The following NAALADL2 variants were observed in gnomAD, a reference collection of about 807,000 sequenced individuals.
NAALADL2 encodes inactive N-acetylated-alpha-linked acidic dipeptidase-like protein 2.
In NAALADL2, 76 loss-of-function variants were observed where a neutral mutation model predicts 87.2. The observed-to-expected ratio is 0.87, with a 90% confidence interval of 0.72 to 1.05. The LOEUF (loss-of-function observed/expected upper bound fraction) is 1.05. Among genes scored for constraint, NAALADL2 ranks in the 50% least tolerant of loss-of-function variants. The probability of loss-of-function intolerance (pLI) is 0.00; values close to 1 mark genes in which losing one functional copy is unlikely to be tolerated. For missense variants in NAALADL2, 1,089 were observed against 945.8 expected (o/e 1.15, Z -1.99); for synonymous variants, 354 against 331.0 (o/e 1.07, Z -0.75).
intron 2 of NAALADL2, among the ~76,000 whole-genome samples, chr3:175,117,709 A>G (rs1194019391): frequency 2.6e-5 from 4 of 151,896 alleles, no homozygotes; most frequent in Non-Finnish European, 4.4e-5. Context: ...ACAGTGCGGC[A>G]ATTCCTCAAG....
rs532930937 is a variant in NAALADL2 at position 175,596,067 on chromosome 3, A to T, written c.1800+19880A>T. On this transcript the variant is annotated intron_variant, in intron 10 of 13. Coordinates refer to ENST00000454872, the MANE Select transcript of NAALADL2 (RefSeq NM_207015.3). Reference sequence around the variant, plus strand: ...TATAGATTCAGAATACTTGATATTAAATTTTAATTCTGTTTTTTAAAAAAT... The same window carrying T: ...TATAGATTCAGAATACTTGATATTATATTTTAATTCTGTTTTTTAAAAAAT... Among the ~76,000 whole-genome samples, 3 of 152,012 alleles carry T rather than the reference A, an allele frequency of 2.0e-5. No homozygotes were observed. In the South Asian group the frequency reaches 6.2e-4, roughly 31 times the overall value.
chr3:175,038,005 A>T (rs944600579), intron 1 of NAALADL2, among the ~76,000 whole-genome samples: 2 of 152,176 alleles, frequency 1.3e-5, no homozygotes, highest in African/African-American at 4.8e-5. Context: ...ATTGTTACCT[A>T]GTGATTATCA....
chr3:175,244,552 A>T (rs1454327844), intron 3 of NAALADL2, among the ~76,000 whole-genome samples: 1 of 152,132 alleles, frequency 6.6e-6, no homozygotes, highest in Non-Finnish European at 1.5e-5. Flanking sequence ...TTTCTTTGAT[A>T]GATTTTCTGA....
At chr3:174,521,041 G>A (rs1011129455) in intron 1 of NAALADL2, among the ~76,000 whole-genome samples, 6 of 152,224 alleles carry the variant, frequency 3.9e-5, no homozygotes, top group African/African-American at 1.2e-4. Flanking sequence ...CAGAGAAAAG[G>A]GAACACAAAC....
intron 3 of NAALADL2, among the ~76,000 whole-genome samples, chr3:174,763,985 T>C (rs929627739): frequency 5.9e-5 from 9 of 152,126 alleles, no homozygotes; most frequent in Non-Finnish European, 1.0e-4. Context: ...AATGAGGAAA[T>C]AAATCATAGA....
In NAALADL2 at chr3:174,824,408, G is replaced by C. The variant is rs190307086; in HGVS notation, c.-9+86662G>C. ...TCTGATGAATATTCTGATTTCGATT[G>C]TGAATTTAAGCACTACTTTGGCATA... On this transcript the variant is annotated intron_variant, in intron 3 of 3. Coordinates refer to the NAALADL2 transcript ENST00000434257. 2.0e-5 allele frequency among the ~76,000 whole-genome samples: 3 copies of C among 152,224 alleles called. No individual in the cohort carries two copies. The East Asian group carries it at 5.8e-4, about 29-fold the overall frequency.
At position 174,539,073 on chromosome 3, in the gene NAALADL2, A is replaced by G. The variant is rs1013670467; in HGVS notation, c.-183-11496A>G. Among the ~76,000 whole-genome samples the G allele has an allele frequency of 1.6e-4, 24 of 152,332 alleles. No individual in the cohort carries two copies. The South Asian group carries it at 5.0e-3, about 32-fold the overall frequency. The stretch of plus-strand genomic sequence containing the variant: ...GCAGTCTTCATCAAAGAAAATCAAC[A>G]TAAAATGCAATTTTTCAAATAAACA... On this transcript the variant is annotated intron_variant, in intron 1 of 3. Transcript: ENST00000434257.
intron 1 of NAALADL2, among the ~76,000 whole-genome samples, chr3:174,546,368 G>A (rs566319835): frequency 6.6e-6 from 1 of 152,252 alleles, no homozygotes; most frequent in South Asian, 2.1e-4. Context: ...TCTTTTGTTT[G>A]GAGGAGGTGA....
chr3:174,809,734 C>A (rs565723773), intron 3 of NAALADL2, among the ~76,000 whole-genome samples: 2 of 152,010 alleles, frequency 1.3e-5, no homozygotes, highest in Admixed American at 1.3e-4. Flanking sequence ...TCTTGAATTT[C>A]TCTACTAACT....
chr3:174,816,404 A>G (rs2861850), intron 3 of NAALADL2, among the ~76,000 whole-genome samples: 77 of 90,732 alleles, frequency 8.5e-4, no homozygotes, highest in Admixed American at 1.1e-3. Flanking sequence ...GTGTGTGTGT[A>G]TGTGTGTGCG....
At chr3:175,283,900 A>G (rs1754643734) in intron 4 of NAALADL2, among the ~76,000 whole-genome samples, 1 of 152,128 alleles carries the variant, frequency 6.6e-6, no homozygotes, top group African/African-American at 2.4e-5. Flanking sequence ...AAGGCCTCAG[A>G]TTCACTATGT....
At chr3:174,539,449 G>T (rs879344448) in intron 1 of NAALADL2, among the ~76,000 whole-genome samples, 7 of 152,110 alleles carry the variant, frequency 4.6e-5, no homozygotes, top group Admixed American at 3.9e-4. Context: ...ATTTTATAGT[G>T]TGGACACTTT....
At chr3:175,206,311 TAC>T (rs1336603398) in intron 2 of NAALADL2, among the ~76,000 whole-genome samples, 8,386 of 118,312 alleles carry the variant, frequency 0.071, 1,212 homozygotes, top group African/African-American at 0.2. Flanking sequence ...TATATATATA[TAC>T]ACATACATAC....
intron 2 of NAALADL2, among the ~76,000 whole-genome samples, chr3:174,705,150 A>G (rs551356589): frequency 1.3e-5 from 2 of 152,284 alleles, no homozygotes; most frequent in East Asian, 1.9e-4. Flanking sequence ...GTCACAGGGC[A>G]CACTCACACA....
At chr3:174,670,877 A>C (rs1229653244) in intron 2 of NAALADL2, among the ~76,000 whole-genome samples, 1 of 151,984 alleles carries the variant, frequency 6.6e-6, no homozygotes, top group Non-Finnish European at 1.5e-5. Context: ...GTGGGAGGTG[A>C]CTAGATCATG....
chr3:174,787,064 T>C (rs900663931), intron 3 of NAALADL2, among the ~76,000 whole-genome samples: 2 of 151,804 alleles, frequency 1.3e-5, no homozygotes, highest in African/African-American at 4.8e-5. Context: ...ATTATATTTA[T>C]TGCAATATAA....
intron 2 of NAALADL2, among the ~76,000 whole-genome samples, chr3:174,649,188 TC>T (rs1318948573): frequency 6.6e-6 from 1 of 151,896 alleles, no homozygotes; most frequent in Non-Finnish European, 1.5e-5. Context: ...GGTCTTGAAC[TC>T]CTGACCTCAG....
intron 1 of NAALADL2, among the ~76,000 whole-genome samples, chr3:175,076,515 G>A (rs79266066): frequency 0.022 from 3,364 of 152,014 alleles, 121 homozygotes; most frequent in African/African-American, 0.078. Flanking sequence ...AAAGAAAAGG[G>A]GAAGTTCATT....
chr3:175,284,184 G>GTT (rs772965955), intron 4 of NAALADL2, among the ~76,000 whole-genome samples: 1 of 41,450 alleles, frequency 2.4e-5, no homozygotes, highest in African/African-American at 1.2e-4. Flanking sequence ...CCTTTACACT[G>GTT]TGTTTTTTTT....
Sources: allele counts gnomAD v4.1 joint callset (sites outside exome capture counted in the v4.1 genomes callset), GRCh38; gene constraint gnomAD v4.1.1; transcripts MANE v1.5; gene names NCBI Gene and HGNC (gene_info 2026-07-23, HGNC 2026-07-21).